METTL25B: variants seen among roughly 807,000 people sequenced by gnomAD.
METTL25B encodes the protein methyltransferase-like protein 25B.
A neutral mutation model predicts 48.4 loss-of-function variants in METTL25B; 38 were observed. The observed-to-expected ratio is 0.78, with a 90% CI of 0.61 to 1.03. The LOEUF (loss-of-function observed/expected upper bound fraction) is 1.03, where lower values mean the gene tolerates loss of function less well. Ranked by LOEUF, METTL25B falls within the 50% of genes least tolerant of loss-of-function variation. The probability of loss-of-function intolerance (pLI) is 0.00; values close to 1 mark genes in which losing one functional copy is unlikely to be tolerated. For missense variants in METTL25B, 537 were observed against 603.7 expected, an observed-to-expected ratio of 0.89 and a Z score of 1.16; for synonymous variants, 230 against 254.5, an observed-to-expected ratio of 0.90 and a Z score of 0.92.
chr1:156,732,977 T>G lies in METTL25B; in HGVS notation c.430-8T>G, dbSNP rs1558020194. 2.5e-6 allele frequency: 4 copies of G among 1,613,702 alleles called. No individual in the cohort carries two copies. The highest frequency in any genetic ancestry group is 3.4e-6 in the Non-Finnish European group (4 of 1,179,678). ...TGGCTAGGAGACCTTTGTTTCCTCC[T>G]TTTTCAGTTGGTGAAGAAGCTGAGT... On this transcript the variant is annotated splice_polypyrimidine_tract_variant and splice_region_variant and intron_variant, in intron 3 of 7. Coordinates refer to ENST00000368216, the MANE Select transcript of METTL25B (RefSeq NM_015997.4).
rs767481644 is a variant in METTL25B, at chr1:156,732,407, A to T, written c.363A>T (p.Arg121=). 1 of 1,614,118 alleles carries T rather than the reference A, an allele frequency of 6.2e-7. No homozygotes were observed. The highest frequency in any genetic ancestry group is 1.1e-5 in the South Asian group (1 of 91,088). Residue 121 remains arginine (R), a synonymous_variant, in exon 3 of 8, where the codon CGA becomes CGT. Transcript: ENST00000368216. The part of the protein sequence containing the change: ...EFLENPSQSS[R]LTAPFRKHVR... ...TGGAGAACCCCAGCCAGAGCTCCCG[A>T]CTAACAGCTCCATTCCGGAAACATG...
chr1:156,734,140 C>T lies in METTL25B; in HGVS notation c.768C>T (p.Gly256=), dbSNP rs766425769. The T allele has an allele frequency of 7.4e-6, 12 of 1,614,224 alleles. No individual in the cohort carries two copies. In the Admixed American group the frequency reaches 2.0e-4, roughly 27 times the overall value. ...GCAGGGCCCGCTTGCTGCTCACAGGCCTCCACGCCTGTGGGGATCTGAGTG... is the reference window on the plus strand; with the variant it reads ...GCAGGGCCCGCTTGCTGCTCACAGGTCTCCACGCCTGTGGGGATCTGAGTG... The part of the protein sequence containing the change: ...CQGRARLLLT[G]LHACGDLSVA... Residue 256 remains glycine, a synonymous_variant, in exon 6 of 8, where the codon GGC becomes GGT. Transcript: ENST00000368216.
chr1:156,736,355 C>CA (rs886314690), intron 7 of METTL25B: 29 of 348,114 alleles, frequency 8.3e-5, no homozygotes, highest in Admixed American at 1.3e-4. Context: ...GACTCCATCT[C>CA]AAAAAAAATA....
intron 4 of METTL25B, 111 bp downstream of exon 4, chr1:156,733,158 A>ATT: frequency 3.5e-6 from 4 of 1,151,906 alleles, no homozygotes; most frequent in Non-Finnish European, 3.7e-6. Context: ...GAAGCGTGGA[A>ATT]TTTTTTTTTT....
Position 156,736,866 on chromosome 1 carries a change from T to C in METTL25B, c.*113T>C. ...ATCCTGCATCCTCCAGAGTCCTGGT[T>C]CCTTCAGTTTCATCCCCTTTCTCTC... On this transcript the variant is annotated 3_prime_UTR_variant, in exon 8 of 8. Coordinates refer to ENST00000368216, the MANE Select transcript of METTL25B (RefSeq NM_015997.4). The C allele has an allele frequency of 4.9e-6, 5 of 1,026,008 alleles. No individual in the cohort carries two copies. The South Asian group carries it at 8.3e-5, about 17-fold the overall frequency. The allele number at this position is 1,026,008 out of a possible 1,614,324, so 63.6% of individuals were successfully genotyped here.
intron 5 of METTL25B, 147 bp from the exon 6 acceptor site, chr1:156,733,862 G>A: frequency 2.8e-6 from 3 of 1,057,660 alleles, no homozygotes; most frequent in Non-Finnish European, 4.1e-6. Flanking sequence ...CTCCTGACTT[G>A]TGGTCCAGCC....
chr1:156,734,468 A>G lies in METTL25B; in HGVS notation c.1096A>G (p.Arg366Gly), dbSNP rs1476469613. The change falls in exon 6 of 8, where the codon AGG (arginine) becomes GGG (glycine). Residue 366 changes from arginine to glycine, a missense_variant. Transcript: ENST00000368216. Reference sequence around the variant, plus strand: ...TCGGCCAGGCGTGCAGGGTATCCCCAGGGTCCACGAGCTCAAGATTGAAGA... The same window carrying G: ...TCGGCCAGGCGTGCAGGGTATCCCCGGGGTCCACGAGCTCAAGATTGAAGA... ...LRRPGVQGIPRVHELKIEEYV... is the reference protein window; with the variant it reads ...LRRPGVQGIPGVHELKIEEYV... 6 of 1,595,998 alleles carry G rather than the reference A, an allele frequency of 3.8e-6. No homozygotes were observed. Among genetic ancestry groups the G allele is most frequent in the South Asian group, 1.1e-5 (1 of 88,970 alleles).
chr1:156,733,939 T>C (rs1649500822), intron 5 of METTL25B, 70 bp from the exon 6 acceptor site: 2 of 1,525,688 alleles, frequency 1.3e-6, no homozygotes, highest in East Asian at 4.5e-5. Context: ...GATCCCTTCC[T>C]GTGGCCTGAG....
rs528532333 is a variant in METTL25B, at chr1:156,728,815, G to C, written c.-290G>C. ...CTTGGCCCGCCTCGTTGTGAGCTGA[G>C]CTCAGCGGCACGCTTTTGTGGCGTC... On this transcript the variant is annotated 5_prime_UTR_variant, in exon 1 of 8. Transcript: ENST00000368216. 29 of 933,178 alleles carry C rather than the reference G, an allele frequency of 3.1e-5. No individual in the cohort carries two copies. In the African/African-American group the frequency reaches 3.3e-4, roughly 11 times the overall value. The allele number at this position is 933,178 out of a possible 1,614,324, so 57.8% of individuals were successfully genotyped here. A position where few individuals can be genotyped will look rare whatever the true frequency, so the allele number is the denominator to read the frequency against.
intron 3 of METTL25B, among the ~76,000 whole-genome samples, 188 bp from the exon 4 acceptor site, chr1:156,732,797 G>A (rs1289157159): frequency 6.6e-6 from 1 of 151,926 alleles, no homozygotes; most frequent in Non-Finnish European, 1.5e-5. Flanking sequence ...GCCTGAACCT[G>A]GGGTCAGGTC....
intron 1 of METTL25B, among the ~76,000 whole-genome samples, chr1:156,731,413 C>A (rs576546001): frequency 6.6e-6 from 1 of 152,224 alleles, no homozygotes; most frequent in Non-Finnish European, 1.5e-5. Context: ...CGTGAGCCAC[C>A]ATGCCCGGCC....
Position 156,733,412 on chromosome 1 carries a change from G to T in METTL25B, c.528G>T (p.Gly176=). 6.2e-7 allele frequency: 1 copy of T among 1,614,084 alleles called. No homozygotes were observed. The highest frequency in any genetic ancestry group is 1.1e-5 in the South Asian group (1 of 91,078). The stretch of plus-strand genomic sequence containing the variant: ...CCCGCTTCATGGCTCTTGGCCTGGG[G>T]TTGATGGTGAAGAGCATCGAAGGGG... ...HLSRFMALGL[G]LMVKSIEGDQ... Residue 176 remains glycine, a synonymous_variant, in exon 5 of 8, where the codon GGG becomes GGT. Transcript: ENST00000368216.
In METTL25B at chr1:156,728,498, G is replaced by A. The variant is rs1053361988; in HGVS notation, c.-607G>A. ...CGCGCCGACGAAGCCCGGGAAGGCA[G>A]GCGCGCGGGTTAGAACGCGCCAGAG... On this transcript the variant is annotated 5_prime_UTR_variant, in exon 1 of 8. Coordinates refer to ENST00000368216, the MANE Select transcript of METTL25B (RefSeq NM_015997.4). 1.0e-6 allele frequency: 1 copy of A among 985,616 alleles called. No homozygotes were observed. The highest frequency in any genetic ancestry group is 6.1e-5 in the Admixed American group (1 of 16,296). 61.1% of individuals were successfully genotyped at this position (985,616 alleles called of 1,614,324 possible).
At chr1:156,736,279 G>A (rs1649790139) in intron 7 of METTL25B, 1 of 252,048 alleles carries the variant, frequency 4.0e-6, no homozygotes, top group Admixed American at 5.1e-5. Flanking sequence ...AGAATTGCTT[G>A]AACCCAGGAG....
chr1:156,732,354 C>T lies in METTL25B; in HGVS notation c.310C>T (p.Pro104Ser), dbSNP rs771447611. Residue 104 changes from proline to serine, a missense_variant, in exon 3 of 8, where the codon CCT becomes TCT. Pro to Ser is a moderately conservative substitution (Grantham distance 74). Coordinates refer to ENST00000368216, the MANE Select transcript of METTL25B (RefSeq NM_015997.4). ...TACALAFTRM[P>S]GFQTPSEFLE... ...GTGTGCCCTGGCCTTTACCCGGATG[C>T]CTGGCTTTCAGACCCCCTCAGAATT... is the stretch of plus-strand genomic sequence containing the variant. 1.9e-6 allele frequency: 3 copies of T among 1,614,232 alleles called. No individual in the cohort carries two copies. Among genetic ancestry groups the T allele is most frequent in the Middle Eastern group, 3.3e-4 (2 of 6,062 alleles).
chr1:156,733,879 G>C, intron 5 of METTL25B, 130 bp from the exon 6 acceptor site: 1 of 1,308,334 alleles, frequency 7.6e-7, no homozygotes, highest in Non-Finnish European at 1.0e-6. Context: ...AGCCCCTCCC[G>C]CACCCACCTT....
chr1:156,735,743 A>G lies in METTL25B; in HGVS notation c.1140A>G (p.Leu380=). Residue 380 remains leucine, a synonymous_variant, in exon 7 of 8, where the codon CTA becomes CTG. Transcript: ENST00000368216. ...CCCACAGATATGTGCAGCGGGGGCT[A>G]CAGCGAGTGGGGCTAGATCCCCAGC... is the stretch of plus-strand genomic sequence containing the variant. The part of the protein sequence containing the change: ...LKIEEYVQRG[L]QRVGLDPQLP... 1 of 1,610,784 alleles carries G rather than the reference A, an allele frequency of 6.2e-7. No individual in the cohort carries two copies. Among genetic ancestry groups the G allele is most frequent in the South Asian group, 1.1e-5 (1 of 90,862 alleles).
At position 156,733,379 on chromosome 1, in the gene METTL25B, C is replaced by T. The variant is rs539303294; in HGVS notation, c.495C>T (p.Gly165=). 6 of 1,613,930 alleles carry T rather than the reference C, an allele frequency of 3.7e-6. No homozygotes were observed. The African/African-American group carries it at 6.7e-5, about 18-fold the overall frequency. Residue 165 remains glycine (G), a splice_region_variant and synonymous_variant, in exon 5 of 8, where the codon GGC becomes GGT. Coordinates refer to ENST00000368216, the MANE Select transcript of METTL25B (RefSeq NM_015997.4). ...TQVVDVGSGQ[G]HLSRFMALGL... is the part of the protein sequence containing the mutation. ...TTCCATCCTCCTCGTGACTCCAGGG[C>T]CATCTCTCCCGCTTCATGGCTCTTG...
chr1:156,730,549 C>T (rs1649191209), intron 1 of METTL25B, among the ~76,000 whole-genome samples: 1 of 151,266 alleles, frequency 6.6e-6, no homozygotes, highest in Non-Finnish European at 1.5e-5. Context: ...CACGGTGAAA[C>T]CCCGTCTCTA....
Sources: gnomAD v4.1 joint callset for allele counts (sites outside exome capture counted in the v4.1 genomes callset) on GRCh38, gnomAD v4.1.1 for gene constraint, MANE v1.5 for transcripts, NCBI Gene and HGNC (gene_info 2026-07-23, HGNC 2026-07-21) for gene names.